The following DNAH10 variants were observed in gnomAD, a reference collection of about 807,000 sequenced individuals.
DNAH10 encodes axonemal beta dynein heavy chain 10.
DNAH10 carries 348 observed loss-of-function variants against 506.6 expected under a neutral mutation model. That is an observed-to-expected ratio of 0.69 (90% CI 0.63 to 0.75). The LOEUF (loss-of-function observed/expected upper bound fraction) is 0.75, where lower values mean the gene tolerates loss of function less well. Ranked by LOEUF, DNAH10 falls within the 30% of genes least tolerant of loss-of-function variation. The pLI is 0.00. For missense variants in DNAH10, 5,179 were observed against 5,787.1 expected (o/e 0.89, Z 3.41); for synonymous variants, 2,059 against 2,198.6 (o/e 0.94, Z 1.78).
At chr12:123,889,291 T>C (rs1952873961) in intron 52 of DNAH10, among the ~76,000 whole-genome samples, 1 of 152,260 alleles carries the variant, frequency 6.6e-6, no homozygotes, top group African/African-American at 2.4e-5. Context: ...ATGTAAAATT[T>C]ACATACAGGG....
At chr12:123,882,516 G>A (rs1233086755) in intron 51 of DNAH10, among the ~76,000 whole-genome samples, 1 of 152,114 alleles carries the variant, frequency 6.6e-6, no homozygotes, top group Non-Finnish European at 1.5e-5. Context: ...GCTTCGGCCG[G>A]GCGTGGTGGC....
chr12:123,932,920 C>G (rs1328420463), intron 76 of DNAH10, among the ~76,000 whole-genome samples: 1 of 152,208 alleles, frequency 6.6e-6, no homozygotes, highest in Admixed American at 6.5e-5. Flanking sequence ...AAGAAATTAG[C>G]CCTTGGTCTG....
chr12:123,838,358 G>A (rs796174859), intron 28 of DNAH10, 98 bp from the exon 29 acceptor site: 15 of 1,060,116 alleles, frequency 1.4e-5, no homozygotes, highest in African/African-American at 3.2e-5. Context: ...TGTCTCGGCC[G>A]TGCCTGGGCT....
chr12:123,899,837 C>T (rs1363105286), intron 56 of DNAH10, among the ~76,000 whole-genome samples: 1 of 152,184 alleles, frequency 6.6e-6, no homozygotes, highest in Non-Finnish European at 1.5e-5. Context: ...CTTCTTAAAA[C>T]AATTTCACGT....
intron 77 of DNAH10, chr12:123,934,240 G>T (rs1014776822): frequency 1.4e-6 from 1 of 700,878 alleles, no homozygotes; most frequent in Non-Finnish European, 2.6e-6. Context: ...CAGCCACTTC[G>T]GCTCACAGGG....
rs1952036225 is a variant in DNAH10 at position 123,871,522 on chromosome 12, G to A, written c.7705G>A (p.Val2569Ile). The change falls in exon 45 of 79, where the codon GTT (valine) becomes ATT (isoleucine). Residue 2569 changes from valine (V) to isoleucine (I), a missense_variant. Around this residue, in one of 3 missense-constraint regions of DNAH10, gnomAD observed 4,844 missense variants for 5,430.5 expected, o/e 0.89. Transcript: ENST00000673944. ...ACAAATGGTTAAAATTAAGCAACCT[G>A]TTATTTTTGTTGGTGAATCTGGCAC... ...LEQMVKIKQP[V>I]IFVGESGTSK... is the part of the protein sequence containing the mutation. 1.3e-6 allele frequency: 2 copies of A among 1,558,036 alleles called. No homozygotes were observed. Among genetic ancestry groups the A allele is most frequent in the East Asian group, 4.8e-5 (2 of 41,840 alleles).
Position 123,909,194 on chromosome 12 carries a change from C to A in DNAH10, c.9816-67C>A, listed in dbSNP as rs1953953399. 6.4e-7 allele frequency: 1 copy of A among 1,563,606 alleles called. No homozygotes were observed. The highest frequency in any genetic ancestry group is 8.7e-7 in the Non-Finnish European group (1 of 1,154,254). ...TTTGGTTGAGCTCGTTTTTCTGGAG[C>A]TCTCTTTCAGGCCAGATCCTGGCCA... On this transcript the variant is annotated intron_variant, in intron 57 of 78. Transcript: ENST00000673944. The surrounding 1 kb of genome is among the most constrained non-coding windows in gnomAD (Gnocchi z 5.4).
intron 40 of DNAH10, 39 bp downstream of exon 40, chr12:123,864,769 T>C: frequency 1.3e-6 from 2 of 1,569,678 alleles, no homozygotes; most frequent in Non-Finnish European, 8.6e-7. Context: ...CATAAATCTT[T>C]CTTGTAATTA....
At chr12:123,764,074 C>G (rs1036430778) in intron 1 of DNAH10, among the ~76,000 whole-genome samples, 2 of 152,074 alleles carry the variant, frequency 1.3e-5, no homozygotes, top group South Asian at 4.1e-4. Flanking sequence ...CCATGTTGGC[C>G]GGGCTGCTCT....
Position 123,900,276 on chromosome 12 carries a change from C to T in DNAH10, c.9640+1462C>T, listed in dbSNP as rs764634301. On this transcript the variant is annotated intron_variant, in intron 56 of 78. Transcript: ENST00000673944. ...GTAAAAAACTATATATTCCTGGCCC[C>T]CTAGATGTAAAACTAGACTGGAAGT... Among the ~76,000 whole-genome samples the T allele has an allele frequency of 2.6e-5, 4 of 152,240 alleles. No individual in the cohort carries two copies. In the South Asian group the frequency reaches 8.3e-4, roughly 32 times the overall value.
At chr12:123,893,019 G>A (rs552492276) in intron 52 of DNAH10, among the ~76,000 whole-genome samples, 20 of 152,300 alleles carry the variant, frequency 1.3e-4, no homozygotes, top group South Asian at 1.0e-3. Context: ...GCGAGCTGGC[G>A]GCATCTAGGA....
At chr12:123,863,303 A>G (rs1951680661) in intron 39 of DNAH10, among the ~76,000 whole-genome samples, 1 of 152,230 alleles carries the variant, frequency 6.6e-6, no homozygotes, top group East Asian at 1.9e-4. Context: ...CTGCCAGGAC[A>G]CATGGTGTGT....
At chr12:123,790,176 T>TTAAACATGG in intron 11 of DNAH10, 55 bp downstream of exon 11, 1 of 1,548,018 alleles carries the variant, frequency 6.5e-7, no homozygotes, top group African/African-American at 1.4e-5. Flanking sequence ...GTTTTCTCTG[T>TTAAACATGG]GTTAAATTTG....
chr12:123,861,711 A>G (rs1286187547), intron 39 of DNAH10, among the ~76,000 whole-genome samples: 1 of 152,244 alleles, frequency 6.6e-6, no homozygotes, highest in Non-Finnish European at 1.5e-5. Flanking sequence ...GTAAGGTAAA[A>G]AGCTTTTAGT....
chr12:123,806,019 G>A (rs1476428205), intron 18 of DNAH10, among the ~76,000 whole-genome samples: 6 of 152,184 alleles, frequency 3.9e-5, no homozygotes, highest in African/African-American at 1.4e-4. Flanking sequence ...CTCATGATCC[G>A]CCCGCGTTGG....
intron 47 of DNAH10, among the ~76,000 whole-genome samples, chr12:123,875,779 C>T (rs1952231016): frequency 6.6e-6 from 1 of 152,202 alleles, no homozygotes; most frequent in Non-Finnish European, 1.5e-5. Flanking sequence ...GCTCATGCCA[C>T]ATTGAGTGAC....
Position 123,919,779 on chromosome 12 carries a change from C to T in DNAH10, c.11506+830C>T, listed in dbSNP as rs774266691. On this transcript the variant is annotated intron_variant, in intron 65 of 78. Coordinates refer to ENST00000673944, the MANE Select transcript of DNAH10 (RefSeq NM_001372106.1). This position sits in a 1 kb window ranked among gnomAD's most constrained non-coding sequence, Gnocchi z 4.9. ...ACCTCACGGTTCATCCGTGTTGCTG[C>T]GTGTGTCAGCGCTTCATTCCTGCCT... is the stretch of plus-strand genomic sequence containing the variant. Among the ~76,000 whole-genome samples, 27 of 152,226 alleles carry T rather than the reference C, an allele frequency of 1.8e-4. No individual in the cohort carries two copies. Among genetic ancestry groups the T allele is most frequent in the African/African-American group, 6.5e-4 (27 of 41,456 alleles).
In DNAH10 at chr12:123,928,507, CCCCA is replaced by C; in HGVS notation, c.12231_12234del (p.His4077GlnfsTer24). ...GAAGTCCCTGGAGAGGATCACCAAGCCCCACCCAGACTTCCGCCTGTGGCTCACC... is the reference window on the plus strand; with the variant it reads ...GAAGTCCCTGGAGAGGATCACCAAGCCCCAGACTTCCGCCTGTGGCTCACC... On this transcript the variant is annotated frameshift_variant, in exon 70 of 79. Transcript: ENST00000673944. LOFTEE classifies it high-confidence loss of function. This position sits in a 1 kb window ranked among gnomAD's most constrained non-coding sequence, Gnocchi z 4.9. The C allele has an allele frequency of 6.2e-7, 1 of 1,611,486 alleles. No individual in the cohort carries two copies.
intron 6 of DNAH10, among the ~76,000 whole-genome samples, 164 bp downstream of exon 6, chr12:123,781,463 T>C (rs1957646789): frequency 2.0e-5 from 3 of 152,132 alleles, no homozygotes; most frequent in Admixed American, 1.3e-4. Context: ...AAAATCATTT[T>C]AGCACAGGAT....
Sources: gnomAD v4.1 joint callset for allele counts (sites outside exome capture counted in the v4.1 genomes callset) on GRCh38, gnomAD v4.1.1 for gene constraint, gnomAD v4.1.1 regional missense constraint, Gnocchi (gnomAD v3.1) non-coding constraint, MANE v1.5 for transcripts, NCBI Gene and HGNC (gene_info 2026-07-23, HGNC 2026-07-21) for gene names.